AGTPBP1: variants seen among roughly 807,000 people sequenced by gnomAD.
AGTPBP1 encodes cytosolic carboxypeptidase 1.
Under a neutral mutation model 143.9 loss-of-function variants are expected in AGTPBP1, and 70 were observed. That is an observed-to-expected ratio of 0.49 (90% confidence interval 0.40 to 0.59). The LOEUF (loss-of-function observed/expected upper bound fraction) is 0.59. Ranked by LOEUF, AGTPBP1 falls within the 20% of genes least tolerant of loss-of-function variation. The probability of loss-of-function intolerance (pLI) is 0.00; values close to 1 mark genes in which losing one functional copy is unlikely to be tolerated. For synonymous variants in AGTPBP1, 463 were observed against 500.2 expected, an observed-to-expected ratio of 0.93 and a Z score of 0.99; for missense variants, 1,229 against 1,464.5, an observed-to-expected ratio of 0.84 and a Z score of 2.62.
intron 14 of AGTPBP1, among the ~76,000 whole-genome samples, chr9:85,630,483 ATTGATTGATTG>A (rs1284756746): frequency 8.0e-5 from 12 of 150,840 alleles, no homozygotes; most frequent in Non-Finnish European, 1.6e-4. Flanking sequence ...TGATTGATTG[ATTGATTGATTG>A]ATTGAGACAG....
the AGTPBP1 span, among the ~76,000 whole-genome samples, chr9:85,804,216 T>C: frequency 4.6e-5 from 7 of 152,204 alleles, no homozygotes; most frequent in Non-Finnish European, 7.3e-5. Flanking sequence ...TTTGGTATCT[T>C]AGGCCCCATA....
intron 4 of AGTPBP1, 119 bp downstream of exon 4, chr9:85,681,149 G>GTGTATATATGTACGTGTGTA: frequency 1.2e-6 from 1 of 845,466 alleles, no homozygotes; most frequent in Non-Finnish European, 1.9e-6. Flanking sequence ...ATACGTGTGT[G>GTGTATATATGTACGTGTGTA]TGTATATATG....
upstream of AGTPBP1, among the ~76,000 whole-genome samples, chr9:85,743,766 A>T (rs1295627188): frequency 6.6e-6 from 1 of 152,112 alleles, no homozygotes; most frequent in African/African-American, 2.4e-5. Context: ...TTAAGCTTTG[A>T]AGCCTGTCCA....
At chr9:85,647,292 T>C (rs1291087686) in intron 11 of AGTPBP1, among the ~76,000 whole-genome samples, 2 of 151,924 alleles carry the variant, frequency 1.3e-5, no homozygotes, top group South Asian at 2.1e-4. Context: ...AAAAAGAAAG[T>C]TTATGAATCT....
chr9:85,650,073 G>T (rs1833062186), intron 11 of AGTPBP1, among the ~76,000 whole-genome samples: 1 of 137,610 alleles, frequency 7.3e-6, no homozygotes, highest in African/African-American at 2.8e-5. Context: ...TCTTGCTCTG[G>T]AAAATAAAGT....
intron 17 of AGTPBP1, among the ~76,000 whole-genome samples, chr9:85,611,999 A>T (rs1189095192): frequency 6.6e-6 from 1 of 151,734 alleles, no homozygotes; most frequent in South Asian, 2.1e-4. Flanking sequence ...ATAATAAGAA[A>T]TCTCTCTCTA....
chr9:85,605,153 G>A (rs1165966381), intron 17 of AGTPBP1, among the ~76,000 whole-genome samples: 1 of 152,040 alleles, frequency 6.6e-6, no homozygotes, highest in East Asian at 1.9e-4. Flanking sequence ...AGAACACCAC[G>A]CAGATTTAAC....
At chr9:85,657,672 A>G (rs755925091) in intron 9 of AGTPBP1, 29 bp from the exon 10 acceptor site, 14 of 1,537,102 alleles carry the variant, frequency 9.1e-6, no homozygotes, top group Non-Finnish European at 1.2e-5. Flanking sequence ...GAGAAAGAAT[A>G]TTTTTTAAAT....
the AGTPBP1 span, among the ~76,000 whole-genome samples, chr9:85,775,727 T>G: frequency 6.6e-6 from 1 of 151,876 alleles, no homozygotes; most frequent in African/African-American, 2.4e-5. Context: ...GAGTCTGATG[T>G]TCGAGGACAG....
intron 14 of AGTPBP1, among the ~76,000 whole-genome samples, chr9:85,627,069 A>G (rs1326416554): frequency 6.6e-6 from 1 of 152,186 alleles, no homozygotes; most frequent in Non-Finnish European, 1.5e-5. Context: ...CAAGCCTACA[A>G]AAGAGAAACA....
chr9:85,727,495 T>C (rs761165012), intron 1 of AGTPBP1, among the ~76,000 whole-genome samples: 8 of 152,172 alleles, frequency 5.3e-5, no homozygotes, highest in Non-Finnish European at 1.0e-4. Context: ...AAGAACTGTG[T>C]AAAAACGTGG....
intron 17 of AGTPBP1, among the ~76,000 whole-genome samples, chr9:85,606,062 A>T (rs566023733): frequency 6.6e-6 from 1 of 152,184 alleles, no homozygotes; most frequent in South Asian, 2.1e-4. Flanking sequence ...CAATGAATGT[A>T]ACTTGACCAA....
At chr9:85,761,940 C>A in the AGTPBP1 span, among the ~76,000 whole-genome samples, 1 of 152,016 alleles carries the variant, frequency 6.6e-6, no homozygotes, top group Admixed American at 6.6e-5. Context: ...AAAAAACAAC[C>A]CCATCAACAA....
At chr9:85,793,157 C>A in the AGTPBP1 span, among the ~76,000 whole-genome samples, 1 of 152,122 alleles carries the variant, frequency 6.6e-6, no homozygotes, top group Non-Finnish European at 1.5e-5. Context: ...TTTACTGGAT[C>A]TTTGGCCACC....
At chr9:85,803,368 G>T in the AGTPBP1 span, among the ~76,000 whole-genome samples, 4 of 152,188 alleles carry the variant, frequency 2.6e-5, no homozygotes, top group African/African-American at 9.7e-5. Context: ...ACCTTGTCTT[G>T]ATGATTCTGC....
At chr9:85,681,509 C>T (rs1019035743) in intron 3 of AGTPBP1, among the ~76,000 whole-genome samples, 174 bp from the exon 4 acceptor site, 2 of 152,102 alleles carry the variant, frequency 1.3e-5, no homozygotes, top group East Asian at 1.9e-4. Flanking sequence ...ATGTGGACTT[C>T]GAGATATCAG....
chr9:85,753,594 A>T, the AGTPBP1 span, among the ~76,000 whole-genome samples: 1 of 152,092 alleles, frequency 6.6e-6, no homozygotes. Context: ...TCTACTAAAA[A>T]TATAAAAATT....
At chr9:85,603,901 T>TG (rs1434470683) in intron 17 of AGTPBP1, among the ~76,000 whole-genome samples, 1 of 152,146 alleles carries the variant, frequency 6.6e-6, no homozygotes, top group South Asian at 2.1e-4. Flanking sequence ...CTCTTCTGCA[T>TG]GAAAAAAAGA....
chr9:85,619,042 C>G lies in AGTPBP1; in HGVS notation c.2276G>C (p.Gly759Ala). The G allele has an allele frequency of 6.2e-7, 1 of 1,613,852 alleles. No homozygotes were observed. Among genetic ancestry groups the G allele is most frequent in the East Asian group, 2.2e-5 (1 of 44,804 alleles). ...AATGATGTTAAACCTGTAAGCAACA[C>G]CTGGTCGCATTCCACTGACTTCAAA... is the stretch of plus-strand genomic sequence containing the variant. ...FYFEVSGMRP[G>A]VAYRFNIINC... The change falls in exon 17 of 26, where the codon GGT becomes GCT. Residue 759 changes from glycine (G) to alanine (A), a missense_variant. Transcript: ENST00000357081.
Sources: allele counts gnomAD v4.1 joint callset (sites outside exome capture counted in the v4.1 genomes callset), GRCh38; gene constraint gnomAD v4.1.1; transcripts MANE v1.5; gene names NCBI Gene and HGNC (gene_info 2026-07-23, HGNC 2026-07-21).